ARHGAP15: variants seen among roughly 807,000 people sequenced by gnomAD.
ARHGAP15 encodes the protein rho GTPase-activating protein 15.
Under a neutral mutation model 63.7 loss-of-function variants are expected in ARHGAP15, and 51 were observed. That is an observed-to-expected ratio of 0.80 (90% CI 0.64 to 1.01). The LOEUF is 1.01. ARHGAP15 is among the 50% of genes least tolerant of loss of function. ARHGAP15 has a pLI of 0.00. For missense variants in ARHGAP15, 560 were observed against 564.6 expected, an observed-to-expected ratio of 0.99 and a Z score of 0.08; for synonymous variants, 191 against 193.8, an observed-to-expected ratio of 0.99 and a Z score of 0.12.
chr2:143,604,698 G>A (rs879091431), intron 11 of ARHGAP15, among the ~76,000 whole-genome samples: 1 of 152,102 alleles, frequency 6.6e-6, no homozygotes, highest in Admixed American at 6.5e-5. Context: ...TAAAATCAAA[G>A]AAGATATGAT....
rs569628458 is a variant in ARHGAP15, at chr2:143,375,821, C to T, written c.475-59780C>T. Among the ~76,000 whole-genome samples the T allele has an allele frequency of 5.3e-5, 8 of 152,256 alleles. No homozygotes were observed. In the South Asian group the frequency reaches 1.7e-3, roughly 32 times the overall value. On this transcript the variant is annotated intron_variant, in intron 6 of 13. Coordinates refer to ENST00000295095, the MANE Select transcript of ARHGAP15 (RefSeq NM_018460.4). ...TCCGGCAGCCAAGAACAGGGAAATG[C>T]CAGCTGAGACCCCAACTACTCCAAA...
At chr2:143,202,750 G>A (rs1574085231) in intron 3 of ARHGAP15, among the ~76,000 whole-genome samples, 1 of 101,492 alleles carries the variant, frequency 9.9e-6, no homozygotes. Flanking sequence ...AGGGCTTATT[G>A]TAAATGTTGA....
intron 5 of ARHGAP15, among the ~76,000 whole-genome samples, chr2:143,231,805 C>T (rs1272947107): frequency 2.0e-5 from 3 of 152,166 alleles, no homozygotes; most frequent in Admixed American, 2.0e-4. Flanking sequence ...CTGCTGAGGT[C>T]CTGCTTCCTC....
intron 8 of ARHGAP15, among the ~76,000 whole-genome samples, chr2:143,476,618 T>A (rs1691830162): frequency 6.6e-6 from 1 of 152,212 alleles, no homozygotes; most frequent in Non-Finnish European, 1.5e-5. Flanking sequence ...TAAAATAGTT[T>A]CTTTCAGGAG....
intron 6 of ARHGAP15, among the ~76,000 whole-genome samples, chr2:143,403,455 AGATT>A (rs1215572882): frequency 6.6e-6 from 1 of 151,908 alleles, no homozygotes; most frequent in African/African-American, 2.4e-5. Context: ...ACTCAGAGAT[AGATT>A]AAGTATTGTG....
chr2:143,616,050 CTG>C (rs1698440703), intron 11 of ARHGAP15, among the ~76,000 whole-genome samples: 1 of 152,084 alleles, frequency 6.6e-6, no homozygotes, highest in Admixed American at 6.6e-5. Context: ...AGAAAAAAGT[CTG>C]TTCATTTTTG....
At chr2:143,148,555 T>C (rs1689684294) in intron 1 of ARHGAP15, among the ~76,000 whole-genome samples, 1 of 151,764 alleles carries the variant, frequency 6.6e-6, no homozygotes, top group South Asian at 2.1e-4. Flanking sequence ...TGTGCAGTGA[T>C]AATAACTGTA....
At position 143,257,575 on chromosome 2, in the gene ARHGAP15, GTTC is replaced by G. The variant is rs1367672284; in HGVS notation, c.474+6979_474+6981del. ...GACACCAGGCTAAATGCACCATGCT[GTTC>G]TTCATTTACCGACATCATATTGTGA... On this transcript the variant is annotated intron_variant, in intron 6 of 13. Coordinates refer to ENST00000295095, the MANE Select transcript of ARHGAP15 (RefSeq NM_018460.4). Among the ~76,000 whole-genome samples, 17 of 152,218 alleles carry G rather than the reference GTTC, an allele frequency of 1.1e-4. No individual in the cohort carries two copies. In the South Asian group the frequency reaches 2.9e-3, roughly 26 times the overall value.
At chr2:143,606,440 T>C (rs555392801) in intron 11 of ARHGAP15, among the ~76,000 whole-genome samples, 1 of 152,366 alleles carries the variant, frequency 6.6e-6, no homozygotes, top group South Asian at 2.1e-4. Context: ...TATATTTTGC[T>C]TCAATATATT....
At chr2:143,593,069 T>C (rs1031818754) in intron 11 of ARHGAP15, among the ~76,000 whole-genome samples, 2 of 152,154 alleles carry the variant, frequency 1.3e-5, no homozygotes, top group Admixed American at 6.5e-5. Context: ...TGTGGACAAA[T>C]TGGATTCATA....
intron 6 of ARHGAP15, among the ~76,000 whole-genome samples, chr2:143,257,281 G>A (rs1196369813): frequency 1.3e-5 from 2 of 152,222 alleles, no homozygotes; most frequent in South Asian, 4.1e-4. Context: ...CCGGATGACA[G>A]TAAAGATTGA....
At chr2:143,312,852 T>C (rs1683513206) in intron 6 of ARHGAP15, among the ~76,000 whole-genome samples, 2 of 152,184 alleles carry the variant, frequency 1.3e-5, no homozygotes, top group South Asian at 4.1e-4. Flanking sequence ...ATATCAACTA[T>C]ATACAAATAC....
At chr2:143,446,109 A>G (rs1216239100) in intron 8 of ARHGAP15, among the ~76,000 whole-genome samples, 1 of 150,134 alleles carries the variant, frequency 6.7e-6, no homozygotes, top group Non-Finnish European at 1.5e-5. Context: ...AAGTTTCTTA[A>G]GTTTCTTGAA....
chr2:143,359,997 T>G (rs1244565083), intron 6 of ARHGAP15, among the ~76,000 whole-genome samples: 1 of 152,112 alleles, frequency 6.6e-6, no homozygotes, highest in Non-Finnish European at 1.5e-5. Context: ...CCTGGAAAGA[T>G]TGAGTTAATG....
chr2:143,683,818 CTT>C (rs1683208382), intron 12 of ARHGAP15, among the ~76,000 whole-genome samples: 1 of 152,118 alleles, frequency 6.6e-6, no homozygotes, highest in African/African-American at 2.4e-5. Context: ...TCCTCCAAGA[CTT>C]TGTTTTTCAT....
chr2:143,587,105 A>G (rs1001543687), intron 11 of ARHGAP15, among the ~76,000 whole-genome samples: 4 of 152,148 alleles, frequency 2.6e-5, no homozygotes, highest in Non-Finnish European at 5.9e-5. Flanking sequence ...TTTCTGCAGC[A>G]TGAAATTTCT....
chr2:143,644,991 C>T (rs1680801050), intron 12 of ARHGAP15, among the ~76,000 whole-genome samples: 1 of 151,948 alleles, frequency 6.6e-6, no homozygotes, highest in South Asian at 2.1e-4. Context: ...ATTGCGACAC[C>T]ACTTCGTACA....
chr2:143,709,800 T>C (rs1212081816), intron 13 of ARHGAP15, among the ~76,000 whole-genome samples: 1 of 152,200 alleles, frequency 6.6e-6, no homozygotes, highest in Non-Finnish European at 1.5e-5. Context: ...GACAAAATAA[T>C]TCGTCCACCC....
intron 6 of ARHGAP15, among the ~76,000 whole-genome samples, chr2:143,273,810 T>A (rs888572297): frequency 6.6e-6 from 1 of 152,180 alleles, no homozygotes; most frequent in African/African-American, 2.4e-5. Context: ...TAAAACTTCA[T>A]CCAGTTAGTA....
Sources: gnomAD v4.1 joint callset for allele counts (sites outside exome capture counted in the v4.1 genomes callset) on GRCh38, gnomAD v4.1.1 for gene constraint, MANE v1.5 for transcripts, NCBI Gene and HGNC (gene_info 2026-07-23, HGNC 2026-07-21) for gene names.